Variants in PDE4D observed in about 807,000 individuals in gnomAD.
The protein encoded by PDE4D is phosphodiesterase 4D.
In PDE4D, 24 loss-of-function variants were observed where a neutral mutation model predicts 87.4. That is an observed-to-expected ratio of 0.27 (90% CI 0.20 to 0.39). PDE4D has a LOEUF of 0.39. PDE4D is among the 10% of genes least tolerant of loss of function. The pLI is 1.00. For missense variants in PDE4D, 714 were observed against 1,041.0 expected (o/e 0.69, Z 4.32); for synonymous variants, 384 against 383.2 (o/e 1.00, Z -0.02).
intron 1 of PDE4D, among the ~76,000 whole-genome samples, chr5:59,765,456 A>G (rs4235477): frequency 0.63 from 95,489 of 152,078 alleles, 31,686 homozygotes; most frequent in African/African-American, 0.84. Flanking sequence ...ACCAAGATAG[A>G]TTAGCCACCA....
chr5:60,401,189 AC>A, intron 1 of PDE4D, among the ~76,000 whole-genome samples: 1 of 152,172 alleles, frequency 6.6e-6, no homozygotes, highest in Admixed American at 6.5e-5. Context: ...AAAAGTCAGG[AC>A]ATGATAAGCC....
At chr5:59,053,197 A>G (rs1289363662) in intron 5 of PDE4D, among the ~76,000 whole-genome samples, 1 of 152,112 alleles carries the variant, frequency 6.6e-6, no homozygotes, top group Non-Finnish European at 1.5e-5. Context: ...GGAAGCATAT[A>G]TTATTCCACA....
At chr5:60,098,859 A>G (rs1440726363) in intron 2 of PDE4D, among the ~76,000 whole-genome samples, 2 of 152,002 alleles carry the variant, frequency 1.3e-5, no homozygotes, top group Non-Finnish European at 2.9e-5. Context: ...ATCTTAATGG[A>G]AAAGCTTTTG....
At chr5:59,494,782 G>A (rs1806850878) in intron 1 of PDE4D, among the ~76,000 whole-genome samples, 2 of 152,242 alleles carry the variant, frequency 1.3e-5, no homozygotes, top group Admixed American at 6.5e-5. Flanking sequence ...CACCAGCAAC[G>A]TACCTTCCCC....
chr5:60,271,328 C>T (rs953891824), intron 1 of PDE4D, among the ~76,000 whole-genome samples: 2 of 152,144 alleles, frequency 1.3e-5, no homozygotes, highest in Admixed American at 6.5e-5. Flanking sequence ...TGTGAACATT[C>T]TTAAAAGTCC....
intron 1 of PDE4D, among the ~76,000 whole-genome samples, chr5:59,471,875 G>A (rs550699384): frequency 6.6e-5 from 10 of 152,176 alleles, no homozygotes; most frequent in East Asian, 5.8e-4. Context: ...TAGCTACTCC[G>A]TGATTAAGAG....
rs537264380 is a variant in PDE4D at position 59,462,116 on chromosome 5, C to T, written c.456-246148G>A. Among the ~76,000 whole-genome samples, 3 of 152,156 alleles carry T rather than the reference C, an allele frequency of 2.0e-5. No individual in the cohort carries two copies. The South Asian group carries it at 6.2e-4, about 32-fold the overall frequency. ...GTTTAGAATGATCAAATTAATGCAT[C>T]AAAGCAGTGATTTTATAATCAATTG... On this transcript the variant is annotated intron_variant, in intron 1 of 14. Coordinates refer to ENST00000340635, the MANE Select transcript of PDE4D (RefSeq NM_001104631.2).
intron 1 of PDE4D, among the ~76,000 whole-genome samples, chr5:59,244,302 G>GTT (rs1758297791): frequency 6.6e-6 from 1 of 151,888 alleles, no homozygotes; most frequent in Non-Finnish European, 1.5e-5. Flanking sequence ...GGAGGCTGAG[G>GTT]TACAAGAATC....
intron 5 of PDE4D, among the ~76,000 whole-genome samples, chr5:59,139,893 C>T (rs1282585212): frequency 1.3e-5 from 2 of 152,152 alleles, no homozygotes; most frequent in Non-Finnish European, 2.9e-5. Context: ...GAAACATTTT[C>T]CTGCAACAAA....
At chr5:60,516,331 G>A (rs758084105) in intron 1 of PDE4D, among the ~76,000 whole-genome samples, 5 of 152,176 alleles carry the variant, frequency 3.3e-5, no homozygotes, top group Admixed American at 6.5e-5. Flanking sequence ...ACATACATTC[G>A]CTTTCTGAAG....
intron 2 of PDE4D, among the ~76,000 whole-genome samples, chr5:60,150,047 A>G (rs1372904272): frequency 2.0e-5 from 3 of 147,600 alleles, no homozygotes; most frequent in Non-Finnish European, 3.0e-5. Flanking sequence ...TAGTATATAT[A>G]ATTCTATATA....
chr5:59,400,394 T>C lies in PDE4D; in HGVS notation c.456-184426A>G, dbSNP rs576118200. ...GTGGCACATATGCACCATGGAATAC[T>C]ATGCGGCCATAAAAAATGATGAGTT... On this transcript the variant is annotated intron_variant, in intron 1 of 14. Coordinates refer to ENST00000340635, the MANE Select transcript of PDE4D (RefSeq NM_001104631.2). Among the ~76,000 whole-genome samples the C allele has an allele frequency of 2.1e-4, 31 of 145,504 alleles. 1 individual carries two copies. Among genetic ancestry groups the C allele is most frequent in the Non-Finnish European group, 1.0e-4 (7 of 67,034 alleles).
chr5:59,743,741 A>G (rs993543625), intron 1 of PDE4D, among the ~76,000 whole-genome samples: 13 of 152,178 alleles, frequency 8.5e-5, no homozygotes, highest in African/African-American at 3.1e-4. Flanking sequence ...AAGCAGACTC[A>G]TATTGTACAA....
intron 1 of PDE4D, among the ~76,000 whole-genome samples, chr5:59,501,673 A>T (rs962467630): frequency 6.6e-6 from 1 of 152,166 alleles, no homozygotes; most frequent in Non-Finnish European, 1.5e-5. Context: ...TAGTCAATTG[A>T]TAAAAAGGAA....
intron 3 of PDE4D, among the ~76,000 whole-genome samples, chr5:59,941,255 T>C (rs994311728): frequency 6.6e-6 from 1 of 152,178 alleles, no homozygotes; most frequent in South Asian, 2.1e-4. Flanking sequence ...GTGATTGTCC[T>C]TCACTCTTTC....
intron 1 of PDE4D, among the ~76,000 whole-genome samples, chr5:59,620,302 A>G (rs1011055226): frequency 6.6e-6 from 1 of 152,174 alleles, no homozygotes; most frequent in Non-Finnish European, 1.5e-5. Context: ...AAAAATGGGG[A>G]GATCACACAG....
chr5:60,500,706 C>T (rs1005078203), intron 1 of PDE4D, among the ~76,000 whole-genome samples: 1 of 152,210 alleles, frequency 6.6e-6, no homozygotes, highest in Admixed American at 6.5e-5. Context: ...CTTCAGGCAG[C>T]TTACTGAAAT....
chr5:59,021,178 C>T (rs187407627), intron 6 of PDE4D, among the ~76,000 whole-genome samples: 1 of 152,160 alleles, frequency 6.6e-6, no homozygotes, highest in Non-Finnish European at 1.5e-5. Context: ...TGAAGACCTA[C>T]AGGAGACCCT....
intron 1 of PDE4D, among the ~76,000 whole-genome samples, chr5:60,187,769 C>A (rs919468749): frequency 2.0e-5 from 3 of 152,126 alleles, no homozygotes; most frequent in Non-Finnish European, 4.4e-5. Flanking sequence ...AGCTAGGAGG[C>A]ACCTAGCGTC....
Sources: allele counts gnomAD v4.1 joint callset (sites outside exome capture counted in the v4.1 genomes callset), GRCh38; gene constraint gnomAD v4.1.1; transcripts MANE v1.5; gene names NCBI Gene and HGNC (gene_info 2026-07-23, HGNC 2026-07-21).